Variants in LARGE1 observed in about 807,000 individuals in gnomAD.
LARGE1 encodes the protein xylosyl- and glucuronyltransferase LARGE1.
Under a neutral mutation model 87.6 loss-of-function variants are expected in LARGE1, and 43 were observed. The ratio of observed to expected loss-of-function variants is 0.49; its 90% CI spans 0.38 to 0.63. The LOEUF (loss-of-function observed/expected upper bound fraction) is 0.63. Among genes scored for constraint, LARGE1 ranks in the 30% least tolerant of loss-of-function variants. The pLI, the probability that LARGE1 is intolerant of heterozygous loss-of-function variation, is 0.00. For synonymous variants in LARGE1, 434 were observed against 394.6 expected (o/e 1.10, Z -1.18); for missense variants, 802 against 1,000.2 (o/e 0.80, Z 2.67).
At chr22:33,390,842 C>T (rs932027157) in intron 7 of LARGE1, among the ~76,000 whole-genome samples, 12 of 152,134 alleles carry the variant, frequency 7.9e-5, no homozygotes, top group East Asian at 3.9e-4. Context: ...CACAGGTGTG[C>T]GCCACCAGGC....
At chr22:33,522,659 C>A (rs1219148027) in intron 6 of LARGE1, among the ~76,000 whole-genome samples, 1 of 151,896 alleles carries the variant, frequency 6.6e-6, no homozygotes, top group Non-Finnish European at 1.5e-5. Context: ...GGTGAAACCC[C>A]ATCTGTACTA....
chr22:33,809,557 G>A (rs1406669616), intron 1 of LARGE1, among the ~76,000 whole-genome samples: 2 of 152,200 alleles, frequency 1.3e-5, no homozygotes, highest in Non-Finnish European at 2.9e-5. Context: ...CTCACATTCT[G>A]CATGTCTAAA....
intron 6 of LARGE1, among the ~76,000 whole-genome samples, chr22:33,484,504 A>G (rs1407247076): frequency 2.0e-5 from 3 of 152,172 alleles, no homozygotes; most frequent in African/African-American, 7.2e-5. Context: ...AGTGAGAGCT[A>G]TGTTACAGAA....
chr22:33,249,580 C>A (rs951692467), intron 11 of LARGE1, among the ~76,000 whole-genome samples: 58 of 152,158 alleles, frequency 3.8e-4, no homozygotes, highest in African/African-American at 1.4e-3. Flanking sequence ...TTCCACAGAT[C>A]GTGCCTTTGT....
intron 4 of LARGE1, among the ~76,000 whole-genome samples, chr22:33,622,853 G>A (rs147479337): frequency 2.6e-5 from 4 of 152,264 alleles, no homozygotes; most frequent in South Asian, 2.1e-4. Context: ...TCCTCACGCC[G>A]TCTTAAAAGT....
chr22:33,548,921 A>T (rs1019456889), intron 6 of LARGE1, among the ~76,000 whole-genome samples: 1 of 152,248 alleles, frequency 6.6e-6, no homozygotes, highest in African/African-American at 2.4e-5. Flanking sequence ...TAACGAAGAG[A>T]AGCCTAAAAT....
chr22:33,531,332 A>G (rs780964977), intron 6 of LARGE1, among the ~76,000 whole-genome samples: 3 of 143,382 alleles, frequency 2.1e-5, no homozygotes, highest in Non-Finnish European at 4.6e-5. Flanking sequence ...TAATTTTTGT[A>G]TTTTTAGTAG....
At chr22:33,909,834 G>T (rs866076515) in intron 1 of LARGE1, among the ~76,000 whole-genome samples, 1 of 151,994 alleles carries the variant, frequency 6.6e-6, no homozygotes, top group Non-Finnish European at 1.5e-5. Flanking sequence ...CACCACGCCC[G>T]GCCTAACTCA....
chr22:33,363,852 C>T (rs913150217), intron 9 of LARGE1, among the ~76,000 whole-genome samples: 1 of 149,396 alleles, frequency 6.7e-6, no homozygotes, highest in African/African-American at 2.5e-5. Flanking sequence ...AAGTGATTCA[C>T]AGGCCAGTAG....
chr22:33,557,437 T>C (rs1331245159), intron 6 of LARGE1, among the ~76,000 whole-genome samples: 3 of 152,114 alleles, frequency 2.0e-5, no homozygotes, highest in Admixed American at 2.0e-4. Flanking sequence ...GAGGAAATAA[T>C]GGAAGAGGTC....
intron 1 of LARGE1, among the ~76,000 whole-genome samples, chr22:33,788,010 AAGTCCAGG>A (rs2085706616): frequency 6.6e-6 from 1 of 152,198 alleles, no homozygotes; most frequent in Admixed American, 6.5e-5. Context: ...CTGCCCAGTA[AAGTCCAGG>A]AGGCCAGAGA....
chr22:33,492,761 T>C (rs555321947), intron 6 of LARGE1, among the ~76,000 whole-genome samples: 4 of 152,210 alleles, frequency 2.6e-5, no homozygotes, highest in Non-Finnish European at 5.9e-5. Context: ...ATAATATGGT[T>C]GTGTGCTAAC....
At chr22:33,473,125 T>C (rs2068918748) in intron 6 of LARGE1, among the ~76,000 whole-genome samples, 1 of 152,090 alleles carries the variant, frequency 6.6e-6, no homozygotes, top group Non-Finnish European at 1.5e-5. Flanking sequence ...TTGAGATGCA[T>C]GATACTTTCA....
intron 1 of LARGE1, among the ~76,000 whole-genome samples, chr22:33,785,392 G>C (rs991711746): frequency 2.0e-5 from 3 of 151,942 alleles, no homozygotes; most frequent in Non-Finnish European, 4.4e-5. Flanking sequence ...AAAGTCACTC[G>C]ATGAGTAACG....
At chr22:33,507,454 C>A (rs5998974) in intron 6 of LARGE1, among the ~76,000 whole-genome samples, 3,076 of 151,912 alleles carry the variant, frequency 0.02, 79 homozygotes, top group African/African-American at 0.058. Context: ...TAAAAAAAAA[C>A]CCGCAAACAT....
chr22:33,439,936 T>G (rs1489496294), intron 6 of LARGE1, among the ~76,000 whole-genome samples: 1 of 152,152 alleles, frequency 6.6e-6, no homozygotes, highest in East Asian at 1.9e-4. Context: ...CATGCCCAAA[T>G]CCCACAGATT....
intron 7 of LARGE1, among the ~76,000 whole-genome samples, chr22:33,387,160 C>T (rs368272964): frequency 2.0e-5 from 3 of 147,990 alleles, no homozygotes; most frequent in African/African-American, 7.3e-5. Context: ...TGTGGTGGCT[C>T]ATGCCTGTAA....
chr22:33,195,121 G>A (rs1008997268), intron 11 of LARGE1, among the ~76,000 whole-genome samples: 7 of 152,108 alleles, frequency 4.6e-5, no homozygotes, highest in African/African-American at 7.2e-5. Flanking sequence ...TATTAGAACC[G>A]TCATATCTCA....
chr22:33,574,912 A>G (rs905055184), intron 5 of LARGE1, among the ~76,000 whole-genome samples: 2 of 152,156 alleles, frequency 1.3e-5, no homozygotes, highest in Non-Finnish European at 2.9e-5. Context: ...GGGTTTCATG[A>G]GCTAAGAGAT....
Sources: allele counts gnomAD v4.1 joint callset (sites outside exome capture counted in the v4.1 genomes callset), GRCh38; gene constraint gnomAD v4.1.1; transcripts MANE v1.5; gene names NCBI Gene and HGNC (gene_info 2026-07-23, HGNC 2026-07-21).